Variants in DOCK4 observed in about 807,000 individuals in gnomAD.
The protein encoded by DOCK4 is dedicator of cytokinesis protein 4.
Under a neutral mutation model 268.1 loss-of-function variants are expected in DOCK4, and 97 were observed. That is an observed-to-expected ratio of 0.36 (90% CI 0.31 to 0.43). The LOEUF (loss-of-function observed/expected upper bound fraction) is 0.43. Among genes scored for constraint, DOCK4 ranks in the 20% least tolerant of loss-of-function variants. The pLI is 1.00. For missense variants in DOCK4, 2,145 were observed against 2,455.7 expected (o/e 0.87, Z 2.67); for synonymous variants, 954 against 887.2 (o/e 1.08, Z -1.34).
chr7:111,747,496 A>G, intron 42 of DOCK4, 53 bp from the exon 43 acceptor site: 1 of 1,494,574 alleles, frequency 6.7e-7, no homozygotes, highest in African/African-American at 1.4e-5. Flanking sequence ...TTCAAGAAGA[A>G]AGACAAAGTA....
intron 1 of DOCK4, among the ~76,000 whole-genome samples, chr7:112,115,191 A>G (rs1216912094): frequency 1.3e-5 from 2 of 152,222 alleles, no homozygotes; most frequent in African/African-American, 4.8e-5. Context: ...TGGCTGCGTA[A>G]AAGAATCACC....
intron 47 of DOCK4, among the ~76,000 whole-genome samples, 191 bp downstream of exon 47, chr7:111,740,903 T>C (rs1261988128): frequency 6.6e-6 from 1 of 152,012 alleles, no homozygotes; most frequent in Non-Finnish European, 1.5e-5. Context: ...CTTAAAGCGA[T>C]GGGGCAGTTT....
At chr7:111,803,767 C>T (rs960578336) in intron 30 of DOCK4, among the ~76,000 whole-genome samples, 8 of 152,280 alleles carry the variant, frequency 5.3e-5, no homozygotes, top group East Asian at 3.9e-4. Flanking sequence ...CTTGATAGAA[C>T]ATTTTTTAGT....
chr7:111,762,146 G>A (rs1359172596), intron 39 of DOCK4, among the ~76,000 whole-genome samples: 1 of 151,982 alleles, frequency 6.6e-6, no homozygotes, highest in Non-Finnish European at 1.5e-5. Context: ...TGATATTTGG[G>A]TCTCTAAGAA....
intron 38 of DOCK4, among the ~76,000 whole-genome samples, chr7:111,766,637 G>A (rs78961201): frequency 0.021 from 3,173 of 152,230 alleles, 125 homozygotes; most frequent in African/African-American, 0.072. Flanking sequence ...ACAGAATTTG[G>A]CCCTAAATTA....
At chr7:112,084,926 T>C (rs914145237) in intron 1 of DOCK4, among the ~76,000 whole-genome samples, 2 of 151,920 alleles carry the variant, frequency 1.3e-5, no homozygotes, top group African/African-American at 4.8e-5. Context: ...CTTTAGAAAA[T>C]GAAAAAACTA....
chr7:112,167,527 GC>G (rs1817709538), intron 1 of DOCK4, among the ~76,000 whole-genome samples: 1 of 152,118 alleles, frequency 6.6e-6, no homozygotes, highest in Non-Finnish European at 1.5e-5. Flanking sequence ...TAGGAATTCC[GC>G]CTATTACTTT....
intron 1 of DOCK4, among the ~76,000 whole-genome samples, chr7:112,068,766 A>C (rs1457204087): frequency 1.3e-5 from 2 of 152,128 alleles, no homozygotes; most frequent in Non-Finnish European, 2.9e-5. Context: ...CTCTGTAGTT[A>C]GTGGGTATTC....
intron 1 of DOCK4, among the ~76,000 whole-genome samples, chr7:112,181,914 G>T (rs1819081361): frequency 6.6e-6 from 1 of 152,164 alleles, no homozygotes; most frequent in African/African-American, 2.4e-5. Context: ...AAAGGGATCT[G>T]CCTCTAGGGT....
At chr7:111,877,612 A>G (rs1159222626) in intron 16 of DOCK4, among the ~76,000 whole-genome samples, 2 of 152,152 alleles carry the variant, frequency 1.3e-5, no homozygotes, top group Admixed American at 6.5e-5. Flanking sequence ...CCAACATCTC[A>G]TCTGAGGCAG....
rs1193689177 is a variant in DOCK4, at chr7:111,758,773, C to T, written c.4180G>A (p.Val1394Met). ...AEAQYLQIYA[V>M]TPIPESQEVL... ...TCCTGGCTCTCTGGAATGGGAGTCA[C>T]AGCATATATCTGCAAATCTAGGATT... is the stretch of plus-strand genomic sequence containing the variant. Residue 1394 changes from valine (V) to methionine (M), a missense_variant, in exon 41 of 53, where the codon GTG becomes ATG. Physicochemically the swap from Val to Met is conservative, Grantham distance 21. Around this residue, in one of 2 missense-constraint regions of DOCK4, gnomAD observed 1,598 missense variants for 1,986.7 expected, o/e 0.80. Transcript: ENST00000428084. 2.5e-6 allele frequency: 4 copies of T among 1,613,662 alleles called. No homozygotes were observed. Among genetic ancestry groups the T allele is most frequent in the Admixed American group, 1.7e-5 (1 of 59,986 alleles).
intron 17 of DOCK4, among the ~76,000 whole-genome samples, chr7:111,873,363 C>A (rs6975074): frequency 0.25 from 38,335 of 152,064 alleles, 5,575 homozygotes; most frequent in African/African-American, 0.4. Context: ...TAGTCTCCAA[C>A]GCATGCAGGG....
chr7:112,144,881 G>C (rs1815302553), intron 1 of DOCK4, among the ~76,000 whole-genome samples: 1 of 152,102 alleles, frequency 6.6e-6, no homozygotes, highest in South Asian at 2.1e-4. Flanking sequence ...AGAGAGGTGT[G>C]ATAAGAGGAA....
intron 1 of DOCK4, among the ~76,000 whole-genome samples, chr7:112,189,163 G>T (rs1218289241): frequency 6.6e-6 from 1 of 152,164 alleles, no homozygotes; most frequent in Non-Finnish European, 1.5e-5. Context: ...TATATTTTGT[G>T]TTGGTTATGC....
At chr7:111,748,135 T>C (rs1294810486) in intron 42 of DOCK4, among the ~76,000 whole-genome samples, 1 of 152,220 alleles carries the variant, frequency 6.6e-6, no homozygotes, top group Non-Finnish European at 1.5e-5. Context: ...GGACTGCTAT[T>C]GCCTTGAAGA....
chr7:111,758,818 C>A, intron 40 of DOCK4, 28 bp from the exon 41 acceptor site: 1 of 1,610,582 alleles, frequency 6.2e-7, no homozygotes, highest in Non-Finnish European at 8.5e-7. Context: ...AGGAGAGAAC[C>A]TGACTTGGCA....
intron 15 of DOCK4, among the ~76,000 whole-genome samples, chr7:111,899,660 C>A (rs916864366): frequency 4.6e-5 from 7 of 152,178 alleles, no homozygotes; most frequent in Non-Finnish European, 7.3e-5. Context: ...TGGTGGCTCA[C>A]GCCTATAATC....
chr7:111,783,796 T>C, intron 34 of DOCK4, 61 bp downstream of exon 34: 1 of 1,410,540 alleles, frequency 7.1e-7, no homozygotes, highest in South Asian at 1.2e-5. Context: ...GTATTCTATT[T>C]GATTTTCTAA....
At chr7:112,033,142 A>T (rs1803433152) in intron 1 of DOCK4, among the ~76,000 whole-genome samples, 1 of 152,222 alleles carries the variant, frequency 6.6e-6, no homozygotes, top group South Asian at 2.1e-4. Flanking sequence ...ATATAAAGCA[A>T]ATAATTCCAA....
Sources: allele counts gnomAD v4.1 joint callset (sites outside exome capture counted in the v4.1 genomes callset), GRCh38; gene constraint gnomAD v4.1.1; regional missense constraint gnomAD v4.1.1; transcripts MANE v1.5; gene names NCBI Gene and HGNC (gene_info 2026-07-23, HGNC 2026-07-21).